Variants in ZFAND3 observed in about 807,000 individuals in gnomAD.
ZFAND3 encodes zinc finger AN1-type containing 3.
A neutral mutation model predicts 29.6 loss-of-function variants in ZFAND3; 10 were observed. The ratio of observed to expected loss-of-function variants is 0.34; its 90% CI spans 0.21 to 0.57. ZFAND3 has a LOEUF of 0.57. ZFAND3 is among the 20% of genes least tolerant of loss of function. The pLI is 0.86. For synonymous variants in ZFAND3, 128 were observed against 112.6 expected (o/e 1.14, Z -0.87); for missense variants, 230 against 304.5 (o/e 0.76, Z 1.82).
chr6:37,930,041 CTTTCTTTTTT>C, intron 2 of ZFAND3, 42 bp downstream of exon 2: 1 of 1,471,212 alleles, frequency 6.8e-7, no homozygotes. Flanking sequence ...TTTCATTTTT[CTTTCTTTTTT>C]TTTTTTTGGT....
intron 1 of ZFAND3, among the ~76,000 whole-genome samples, chr6:37,904,044 C>G (rs544205882): frequency 6.6e-6 from 1 of 152,204 alleles, no homozygotes; most frequent in Non-Finnish European, 1.5e-5. Context: ...TTCAGCTGAG[C>G]AATAAACCTT....
At chr6:37,916,837 A>G (rs1323988140) in intron 1 of ZFAND3, among the ~76,000 whole-genome samples, 4 of 152,194 alleles carry the variant, frequency 2.6e-5, no homozygotes, top group Admixed American at 2.0e-4. Context: ...GCATCATGAC[A>G]TCTCATGCTG....
At chr6:38,075,813 G>T (rs561122801) in intron 3 of ZFAND3, among the ~76,000 whole-genome samples, 32 of 152,038 alleles carry the variant, frequency 2.1e-4, no homozygotes, top group Admixed American at 8.5e-4. Flanking sequence ...GTGCAGTGGC[G>T]CAATCTCTGC....
At chr6:37,896,580 C>CTT (rs1765220664) in intron 1 of ZFAND3, among the ~76,000 whole-genome samples, 1 of 76,774 alleles carries the variant, frequency 1.3e-5, no homozygotes, top group Non-Finnish European at 2.7e-5. Flanking sequence ...CTCTCTTTCT[C>CTT]TCTCTTTCTC....
chr6:38,125,417 A>G (rs372844640), intron 5 of ZFAND3, among the ~76,000 whole-genome samples: 12 of 152,182 alleles, frequency 7.9e-5, no homozygotes, highest in Non-Finnish European at 1.8e-4. Context: ...ACAGGGCTGT[A>G]GAGAGATGTC....
At chr6:37,858,415 C>T (rs952371928) in intron 1 of ZFAND3, among the ~76,000 whole-genome samples, 5 of 152,136 alleles carry the variant, frequency 3.3e-5, no homozygotes, top group Admixed American at 6.5e-5. Context: ...CTTGACGTGC[C>T]GAAAGGTTAG....
In ZFAND3 at chr6:38,025,074, CTCT is replaced by C. The variant is rs1763422778; in HGVS notation, c.113-36515_113-36513del. On this transcript the variant is annotated intron_variant, in intron 2 of 5. Coordinates refer to ENST00000287218, the MANE Select transcript of ZFAND3 (RefSeq NM_021943.3). ...TGTCACATGATCATTCTGAGAGCTA[CTCT>C]TCTCAGATTTCACATGTCTAGTAGA... 3.9e-5 allele frequency among the ~76,000 whole-genome samples: 6 copies of C among 152,190 alleles called. No homozygotes were observed. In the South Asian group the frequency reaches 1.2e-3, roughly 31 times the overall value.
At chr6:37,823,789 T>C (rs1375450481) in intron 1 of ZFAND3, among the ~76,000 whole-genome samples, 1 of 150,758 alleles carries the variant, frequency 6.6e-6, no homozygotes, top group Admixed American at 6.6e-5. Context: ...TGTATTTTTT[T>C]GTATTTTTTT....
chr6:37,964,540 T>C (rs555837512), intron 2 of ZFAND3, among the ~76,000 whole-genome samples: 94 of 152,338 alleles, frequency 6.2e-4, no homozygotes, highest in African/African-American at 1.8e-3. Flanking sequence ...CCAGCCATCT[T>C]TGATTTCTGA....
intron 5 of ZFAND3, among the ~76,000 whole-genome samples, chr6:38,119,022 A>G (rs1041963868): frequency 6.6e-6 from 1 of 152,190 alleles, no homozygotes; most frequent in Non-Finnish European, 1.5e-5. Flanking sequence ...TGGAGAAGAA[A>G]GCCCTGAGCT....
rs1351636528 is a variant in ZFAND3 at position 37,822,027 on chromosome 6, A to G, written c.71+2011A>G. Reference sequence around the variant, plus strand: ...TTTTGTGTTTTTTAGGAGAGACGGGATTTTGCCATGTTGGCTAAGGTGGTC... The same window carrying G: ...TTTTGTGTTTTTTAGGAGAGACGGGGTTTTGCCATGTTGGCTAAGGTGGTC... On this transcript the variant is annotated intron_variant, in intron 1 of 5. Transcript: ENST00000287218. 3.3e-5 allele frequency among the ~76,000 whole-genome samples: 5 copies of G among 152,164 alleles called. No homozygotes were observed. The East Asian group carries it at 9.7e-4, about 29-fold the overall frequency.
At chr6:38,145,078 G>A (rs1347200012) in intron 5 of ZFAND3, among the ~76,000 whole-genome samples, 1 of 152,152 alleles carries the variant, frequency 6.6e-6, no homozygotes, top group Non-Finnish European at 1.5e-5. Flanking sequence ...CCTCAGCCAA[G>A]GGTAGAGGCC....
At chr6:38,052,720 C>T (rs73419927) in intron 2 of ZFAND3, among the ~76,000 whole-genome samples, 13,377 of 152,068 alleles carry the variant, frequency 0.088, 771 homozygotes, top group East Asian at 0.29. Flanking sequence ...AAAAAAATCT[C>T]CCACGTGTCA....
intron 5 of ZFAND3, chr6:38,143,008 C>A (rs1765995369): frequency 6.6e-6 from 1 of 152,334 alleles, no homozygotes. Flanking sequence ...GTCACAATAT[C>A]TTTCATGGTG....
In ZFAND3 at chr6:38,152,954, G is replaced by A. The variant is rs937451645; in HGVS notation, c.*565G>A. 1 of 985,788 alleles carries A rather than the reference G, an allele frequency of 1.0e-6. No individual in the cohort carries two copies. Among genetic ancestry groups the A allele is most frequent in the Non-Finnish European group, 1.2e-6 (1 of 829,966 alleles). 61.1% of individuals were successfully genotyped at this position (985,788 alleles called of 1,614,324 possible). On this transcript the variant is annotated 3_prime_UTR_variant, in exon 6 of 6. Transcript: ENST00000287218. ...CTCACTCTCCCACAGAGCTGGAAAT[G>A]GGGGGTGGGGGACAGATTCTTACGG...
intron 1 of ZFAND3, among the ~76,000 whole-genome samples, chr6:37,860,585 C>T (rs1035320800): frequency 1.3e-5 from 2 of 149,324 alleles, no homozygotes; most frequent in Admixed American, 1.3e-4. Flanking sequence ...TATGTCTTTC[C>T]TCATTTGGAC....
intron 2 of ZFAND3, among the ~76,000 whole-genome samples, chr6:37,947,098 A>C (rs958692736): frequency 1.3e-4 from 20 of 152,214 alleles, no homozygotes; most frequent in Non-Finnish European, 2.5e-4. Context: ...GATAATGATT[A>C]AAATAGTGTT....
At chr6:38,043,647 C>G (rs1763839681) in intron 2 of ZFAND3, among the ~76,000 whole-genome samples, 1 of 150,170 alleles carries the variant, frequency 6.7e-6, no homozygotes, top group South Asian at 2.1e-4. Context: ...TGGTCTTGCT[C>G]TGTAACCTAG....
intron 2 of ZFAND3, among the ~76,000 whole-genome samples, chr6:37,955,169 G>GTGTGTGCA (rs766710384): frequency 1.5e-5 from 2 of 135,786 alleles, no homozygotes; most frequent in Non-Finnish European, 3.5e-5. Flanking sequence ...GTGTGTGTGT[G>GTGTGTGCA]TGTCTCTAAG....
Sources: allele counts gnomAD v4.1 joint callset (sites outside exome capture counted in the v4.1 genomes callset), GRCh38; gene constraint gnomAD v4.1.1; transcripts MANE v1.5; gene names NCBI Gene and HGNC (gene_info 2026-07-23, HGNC 2026-07-21).